SRBD1: variants seen among roughly 807,000 people sequenced by gnomAD.
SRBD1 encodes the protein S1 RNA binding domain 1.
A neutral mutation model predicts 115.3 loss-of-function variants in SRBD1; 88 were observed. The observed-to-expected ratio is 0.76, with a 90% CI of 0.64 to 0.91. The LOEUF (loss-of-function observed/expected upper bound fraction) is 0.91, where lower values mean the gene tolerates loss of function less well. Ranked by LOEUF, SRBD1 falls within the 40% of genes least tolerant of loss-of-function variation. The pLI is 0.00. For synonymous variants in SRBD1, 509 were observed against 407.7 expected (o/e 1.25, Z -2.99); for missense variants, 1,385 against 1,177.4 (o/e 1.18, Z -2.58).
intron 20 of SRBD1, among the ~76,000 whole-genome samples, chr2:45,392,498 A>G (rs996912166): frequency 6.6e-6 from 1 of 152,250 alleles, no homozygotes; most frequent in Non-Finnish European, 1.5e-5. Context: ...CAACAGAGAT[A>G]TTATCTTATT....
At chr2:45,560,983 T>C (rs1672644070) in intron 10 of SRBD1, among the ~76,000 whole-genome samples, 1 of 151,324 alleles carries the variant, frequency 6.6e-6, no homozygotes, top group Admixed American at 6.6e-5. Flanking sequence ...GGTATGCACC[T>C]ATGGTCCCAG....
chr2:45,575,358 T>C (rs781371420), intron 7 of SRBD1, among the ~76,000 whole-genome samples: 1 of 152,220 alleles, frequency 6.6e-6, no homozygotes, highest in Non-Finnish European at 1.5e-5. Flanking sequence ...ATTTGCTAAT[T>C]TATAGCAATG....
At chr2:45,410,930 ATC>A (rs1667584089) in intron 19 of SRBD1, among the ~76,000 whole-genome samples, 1 of 151,846 alleles carries the variant, frequency 6.6e-6, no homozygotes, top group Non-Finnish European at 1.5e-5. Flanking sequence ...CATCTTCTTC[ATC>A]TGGCTGTTCA....
In SRBD1 at chr2:45,449,830, G is replaced by C. The variant is rs1282750671; in HGVS notation, c.2049+27163C>G. Reference sequence around the variant, plus strand: ...AGTTAACACGAACTAGAGTCATCTTGAGTCAACTACTTCAATTCAACTTCA... The same window carrying C: ...AGTTAACACGAACTAGAGTCATCTTCAGTCAACTACTTCAATTCAACTTCA... On this transcript the variant is annotated intron_variant, in intron 16 of 20. Coordinates refer to ENST00000263736, the MANE Select transcript of SRBD1 (RefSeq NM_018079.5). Among the ~76,000 whole-genome samples, 6 of 152,156 alleles carry C rather than the reference G, an allele frequency of 3.9e-5. No homozygotes were observed. The South Asian group carries it at 1.0e-3, about 26-fold the overall frequency.
intron 19 of SRBD1, among the ~76,000 whole-genome samples, chr2:45,399,431 C>G (rs1324120218): frequency 6.6e-6 from 1 of 152,020 alleles, no homozygotes; most frequent in African/African-American, 2.4e-5. Flanking sequence ...TAAACAGATA[C>G]TTTTGAAAGT....
At position 45,419,808 on chromosome 2, in the gene SRBD1, G is replaced by T; in HGVS notation, c.2136C>A (p.Ile712=). 1 of 1,613,738 alleles carries T rather than the reference G, an allele frequency of 6.2e-7. No homozygotes were observed. The highest frequency in any genetic ancestry group is 2.2e-5 in the East Asian group (1 of 44,868). ...CVSFVGVDIN[I]CSEVLLRHIA... is the part of the protein sequence containing the mutation. ...CTCACCTTAACAAAACTTCTGAACA[G>T]ATGTTAATATCCACTCCCACAAAGC... The change falls in exon 17 of 21, where the codon ATC becomes ATA. Residue 712 remains isoleucine, a synonymous_variant. Transcript: ENST00000263736.
intron 18 of SRBD1, among the ~76,000 whole-genome samples, chr2:45,414,730 AGT>A (rs1429641018): frequency 2.4e-5 from 3 of 125,806 alleles, no homozygotes; most frequent in Non-Finnish European, 4.9e-5. Context: ...ACACACACAC[AGT>A]GTGTATATAG....
chr2:45,577,330 T>C (rs1352415737), intron 7 of SRBD1, among the ~76,000 whole-genome samples: 2 of 152,194 alleles, frequency 1.3e-5, no homozygotes. Flanking sequence ...TAACAGATGT[T>C]CCAAAAGTTT....
At chr2:45,488,437 C>T in intron 14 of SRBD1, 106 bp from the exon 15 acceptor site, 1 of 782,502 alleles carries the variant, frequency 1.3e-6, no homozygotes, top group Admixed American at 2.5e-5. Flanking sequence ...AATAACAGGG[C>T]AAACTGTTCT....
chr2:45,477,126 C>G (rs1329439425), intron 15 of SRBD1, 51 bp from the exon 16 acceptor site: 12 of 1,442,344 alleles, frequency 8.3e-6, no homozygotes, highest in Non-Finnish European at 1.2e-5. Context: ...AAAAGCAGTA[C>G]CTAATAATTA....
intron 20 of SRBD1, among the ~76,000 whole-genome samples, chr2:45,390,540 C>A (rs557274967): frequency 1.3e-5 from 2 of 152,204 alleles, no homozygotes; most frequent in African/African-American, 4.8e-5. Flanking sequence ...TTTATCCATG[C>A]TCCTCCTGAA....
Position 45,551,273 on chromosome 2 carries a change from T to A in SRBD1, c.1527A>T (p.Leu509=). The A allele has an allele frequency of 6.3e-7, 1 of 1,594,564 alleles. No homozygotes were observed. The highest frequency in any genetic ancestry group is 2.3e-5 in the East Asian group (1 of 44,416). Residue 509 remains leucine, a synonymous_variant, in exon 12 of 21, where the codon CTA becomes CTT. Transcript: ENST00000263736. The part of the protein sequence containing the change: ...PLLCREFRAK[L]TSDAEKESVM... ...CTGATTCCTTCTCTGCATCTGATGT[T>A]AGTTTGGCTCTTTAGAAATAGAAGA...
intron 4 of SRBD1, among the ~76,000 whole-genome samples, chr2:45,591,362 C>A (rs951144812): frequency 7.2e-5 from 11 of 152,182 alleles, no homozygotes; most frequent in African/African-American, 2.4e-4. Context: ...GACTCACTGG[C>A]CCCCTACCTA....
intron 15 of SRBD1, among the ~76,000 whole-genome samples, chr2:45,477,657 C>G (rs530349659): frequency 1.6e-4 from 24 of 152,150 alleles, no homozygotes; most frequent in Admixed American, 2.6e-4. Context: ...TCAAGCAATC[C>G]TCTTGCCTCA....
At chr2:45,505,237 T>A (rs1255681841) in intron 14 of SRBD1, among the ~76,000 whole-genome samples, 2 of 152,132 alleles carry the variant, frequency 1.3e-5, no homozygotes, top group African/African-American at 4.8e-5. Flanking sequence ...AGGTTCCAAA[T>A]GGCAGGTGTC....
intron 14 of SRBD1, among the ~76,000 whole-genome samples, chr2:45,499,513 T>A (rs1469097718): frequency 6.6e-6 from 1 of 152,166 alleles, no homozygotes; most frequent in Non-Finnish European, 1.5e-5. Flanking sequence ...TGTAATCCCA[T>A]TTGTCTATTT....
At chr2:45,540,340 T>TAA (rs755106184) in intron 14 of SRBD1, among the ~76,000 whole-genome samples, 6 of 130,114 alleles carry the variant, frequency 4.6e-5, no homozygotes, top group South Asian at 2.5e-4. Context: ...GAGTCCATCT[T>TAA]AAAAAAAAAA....
intron 7 of SRBD1, among the ~76,000 whole-genome samples, chr2:45,574,986 G>A (rs1481998805): frequency 6.6e-6 from 1 of 152,200 alleles, no homozygotes; most frequent in South Asian, 2.1e-4. Context: ...GTCGAATCCT[G>A]GTTCTACCAT....
chr2:45,389,492 C>T lies in SRBD1; in HGVS notation c.2806G>A (p.Val936Met). ...VENATLFGIF[V>M]DIGVGKSGLI... is the part of the protein sequence containing the mutation. ...CCAGATTTCCCCACTCCTATATCCA[C>T]AAAAATTCCAAAGAGAGTGGCATTC... is the stretch of plus-strand genomic sequence containing the variant. The change falls in exon 21 of 21, where the codon GTG (valine) becomes ATG (methionine). Residue 936 changes from valine (V) to methionine (M), a missense_variant. By Grantham distance (21) the Val-to-Met change is conservative (BLOSUM62 1). Coordinates refer to ENST00000263736, the MANE Select transcript of SRBD1 (RefSeq NM_018079.5). 3 of 1,614,068 alleles carry T rather than the reference C, an allele frequency of 1.9e-6. No homozygotes were observed. The highest frequency in any genetic ancestry group is 2.5e-6 in the Non-Finnish European group (3 of 1,179,962).
Sources: allele counts gnomAD v4.1 joint callset (sites outside exome capture counted in the v4.1 genomes callset), GRCh38; gene constraint gnomAD v4.1.1; transcripts MANE v1.5; gene names NCBI Gene and HGNC (gene_info 2026-07-23, HGNC 2026-07-21).